ZMYM2: variants seen among roughly 807,000 people sequenced by gnomAD.
The protein encoded by ZMYM2 is zinc finger MYM-type protein 2.
ZMYM2 carries 56 observed loss-of-function variants against 162.8 expected under a neutral mutation model. That is an observed-to-expected ratio of 0.34 (90% confidence interval 0.28 to 0.43). The LOEUF is 0.43. Among genes scored for constraint, ZMYM2 ranks in the 20% least tolerant of loss-of-function variants. The pLI, the probability that ZMYM2 is intolerant of heterozygous loss-of-function variation, is 1.00. For synonymous variants in ZMYM2, 510 were observed against 541.6 expected, an observed-to-expected ratio of 0.94 and a Z score of 0.81; for missense variants, 1,275 against 1,621.8, an observed-to-expected ratio of 0.79 and a Z score of 3.67.
chr13:20,061,371 A>AACCTCC, intron 17 of ZMYM2, 147 bp downstream of exon 17: 2 of 695,010 alleles, frequency 2.9e-6, no homozygotes, highest in South Asian at 6.0e-5. Flanking sequence ...TTTTATATTA[A>AACCTCC]GAGATCTACA....
chr13:20,053,638 G>A (rs57455343), intron 14 of ZMYM2, among the ~76,000 whole-genome samples: 7,054 of 152,148 alleles, frequency 0.046, 474 homozygotes, highest in African/African-American at 0.15. Flanking sequence ...GGTAATAAGA[G>A]TGAAACTCCA....
chr13:19,913,118 A>G, the ZMYM2 span, among the ~76,000 whole-genome samples: 1 of 152,178 alleles, frequency 6.6e-6, no homozygotes, highest in Non-Finnish European at 1.5e-5. Flanking sequence ...TCAGTGGAAG[A>G]CAGGGATGTT....
intron 2 of ZMYM2, among the ~76,000 whole-genome samples, chr13:19,970,386 C>G (rs190357553): frequency 6.0e-4 from 91 of 151,990 alleles, no homozygotes; most frequent in African/African-American, 2.1e-3. Context: ...ACTGTAATTA[C>G]GCAGATGAAT....
chr13:19,890,251 C>T, the ZMYM2 span, among the ~76,000 whole-genome samples: 20 of 151,724 alleles, frequency 1.3e-4, no homozygotes, highest in African/African-American at 3.9e-4. Context: ...CATGCAGTCT[C>T]CACCTCCCAG....
chr13:20,037,032 ATAATACT>A, intron 12 of ZMYM2, 123 bp downstream of exon 12: 1 of 810,054 alleles, frequency 1.2e-6, no homozygotes, highest in Non-Finnish European at 1.8e-6. Flanking sequence ...CCCAGCCCTG[ATAATACT>A]ATTCATTAAA....
chr13:20,006,276 C>A (rs1342046975), intron 5 of ZMYM2, 98 bp from the exon 6 acceptor site: 2 of 1,251,734 alleles, frequency 1.6e-6, no homozygotes, highest in Admixed American at 2.9e-5. Flanking sequence ...TCCAAACAAG[C>A]CTTATTAGGA....
At chr13:19,885,902 T>TATGTGTGTATACACAC in the ZMYM2 span, among the ~76,000 whole-genome samples, 2 of 32,012 alleles carry the variant, frequency 6.2e-5, no homozygotes, top group Non-Finnish European at 1.0e-4. Context: ...TGTATACACA[T>TATGTGTGTATACACAC]ATATATGTAT....
At chr13:19,910,851 G>A in the ZMYM2 span, among the ~76,000 whole-genome samples, 1 of 152,094 alleles carries the variant, frequency 6.6e-6, no homozygotes, top group Non-Finnish European at 1.5e-5. Flanking sequence ...AGTCAAAGTG[G>A]CAATCCAAGT....
rs41292189 is a variant in ZMYM2, at chr13:19,993,883, T to G, written c.811T>G (p.Phe271Val). 6.2e-7 allele frequency: 1 copy of G among 1,613,688 alleles called. No individual in the cohort carries two copies. Among genetic ancestry groups the G allele is most frequent in the Non-Finnish European group, 8.5e-7 (1 of 1,179,850 alleles). Residue 271 changes from phenylalanine to valine, a missense_variant, in exon 3 of 25, where the codon TTT (phenylalanine) becomes GTT (valine). Physicochemically the swap from Phe to Val is conservative, Grantham distance 50 (BLOSUM62 -1). Coordinates refer to ENST00000610343, the MANE Select transcript of ZMYM2 (RefSeq NM_197968.4). ...PGRMNVAGDVFQNGESATHHN... is the reference protein window; with the variant it reads ...PGRMNVAGDVVQNGESATHHN... ...TAGAATGAATGTGGCAGGAGACGTT[T>G]TTCAGAATGGAGAATCTGCAACTCA...
chr13:19,915,080 G>T, the ZMYM2 span, among the ~76,000 whole-genome samples: 1 of 152,024 alleles, frequency 6.6e-6, no homozygotes, highest in Non-Finnish European at 1.5e-5. Flanking sequence ...TTCTGCTTCA[G>T]CCTCCCGAGT....
chr13:19,949,006 C>T, the ZMYM2 span, among the ~76,000 whole-genome samples: 2 of 151,842 alleles, frequency 1.3e-5, no homozygotes, highest in Non-Finnish European at 2.9e-5. Context: ...AGGGCAGGGC[C>T]AGTTCATAAT....
intron 6 of ZMYM2, among the ~76,000 whole-genome samples, chr13:20,007,521 C>G (rs1950838551): frequency 6.6e-6 from 1 of 151,768 alleles, no homozygotes; most frequent in African/African-American, 2.4e-5. Context: ...TTTCAATCTT[C>G]ATAAATTTAT....
chr13:19,965,749 G>A (rs1955695796), intron 2 of ZMYM2, among the ~76,000 whole-genome samples: 1 of 148,896 alleles, frequency 6.7e-6, no homozygotes, highest in Non-Finnish European at 1.5e-5. Context: ...ATTATTTCTG[G>A]CCCTGATATG....
At chr13:20,074,461 C>G (rs1011629738) in intron 21 of ZMYM2, among the ~76,000 whole-genome samples, 1 of 152,022 alleles carries the variant, frequency 6.6e-6, no homozygotes. Flanking sequence ...GTCTCGAACT[C>G]CTGGGCCCAA....
the ZMYM2 span, among the ~76,000 whole-genome samples, chr13:19,939,155 C>A: frequency 6.6e-6 from 1 of 151,168 alleles, no homozygotes; most frequent in African/African-American, 2.4e-5. Flanking sequence ...TCCCGAGTAA[C>A]TGGGATTACA....
chr13:19,956,794 T>A (rs573809618), upstream of ZMYM2, among the ~76,000 whole-genome samples: 49 of 152,352 alleles, frequency 3.2e-4, no homozygotes, highest in African/African-American at 1.1e-3. Context: ...GTAAATTCAA[T>A]GAGCTGAAGC....
upstream of ZMYM2, among the ~76,000 whole-genome samples, chr13:19,956,648 T>C (rs1487036850): frequency 6.6e-6 from 1 of 152,186 alleles, no homozygotes; most frequent in Non-Finnish European, 1.5e-5. Context: ...CAGTTGCTCA[T>C]TAGTTATATA....
At chr13:19,938,177 T>C in the ZMYM2 span, among the ~76,000 whole-genome samples, 1 of 152,130 alleles carries the variant, frequency 6.6e-6, no homozygotes, top group East Asian at 1.9e-4. Flanking sequence ...AGTAATGGGA[T>C]GGCTGGGTCA....
At chr13:19,869,369 A>C in the ZMYM2 span, among the ~76,000 whole-genome samples, 3 of 152,224 alleles carry the variant, frequency 2.0e-5, no homozygotes, top group East Asian at 5.8e-4. Context: ...GGAGTATGGG[A>C]AAAAGAAATC....
Sources: gnomAD v4.1 joint callset for allele counts (sites outside exome capture counted in the v4.1 genomes callset) on GRCh38, gnomAD v4.1.1 for gene constraint, MANE v1.5 for transcripts, NCBI Gene and HGNC (gene_info 2026-07-23, HGNC 2026-07-21) for gene names.